Variants in AKAP12 observed in about 807,000 individuals in gnomAD.
The protein encoded by AKAP12 is A-kinase anchoring protein 12, also known as A-kinase anchor protein 12.
A neutral mutation model predicts 79.9 loss-of-function variants in AKAP12; 32 were observed. The ratio of observed to expected loss-of-function variants is 0.40; its 90% confidence interval spans 0.30 to 0.54. AKAP12 has a LOEUF of 0.54. Among genes scored for constraint, AKAP12 ranks in the 20% least tolerant of loss-of-function variants. The pLI is 0.48. For missense variants in AKAP12, 2,074 were observed against 2,177.0 expected (o/e 0.95, Z 0.94); for synonymous variants, 808 against 857.0 (o/e 0.94, Z 1.00).
chr6:151,338,338 TTC>T (rs1419269327), intron 3 of AKAP12, among the ~76,000 whole-genome samples: 1 of 152,214 alleles, frequency 6.6e-6, no homozygotes, highest in African/African-American at 2.4e-5. Flanking sequence ...TCTGGAAGAC[TTC>T]TATAGCTTTT....
intron 2 of AKAP12, among the ~76,000 whole-genome samples, chr6:151,299,719 A>C (rs1776814831): frequency 6.6e-6 from 1 of 151,408 alleles, no homozygotes; most frequent in South Asian, 2.1e-4. Flanking sequence ...AACATTTCAT[A>C]ATTTAACTAC....
chr6:151,246,139 C>G (rs1797071496), intron 2 of AKAP12, among the ~76,000 whole-genome samples: 1 of 152,212 alleles, frequency 6.6e-6, no homozygotes, highest in Non-Finnish European at 1.5e-5. Flanking sequence ...TTTAACCCGG[C>G]AAGGTGCGGT....
chr6:151,355,375 T>A (rs561650709), intron 4 of AKAP12, among the ~76,000 whole-genome samples: 1 of 151,890 alleles, frequency 6.6e-6, no homozygotes, highest in South Asian at 2.1e-4. Flanking sequence ...CAATCTCAGC[T>A]TACTGCAACC....
intron 2 of AKAP12, among the ~76,000 whole-genome samples, chr6:151,299,756 GTTTTT>G (rs71014572): frequency 7.1e-6 from 1 of 141,796 alleles, no homozygotes; most frequent in Non-Finnish European, 1.5e-5. Flanking sequence ...ACATTTAAGG[GTTTTT>G]TTTTTTTTTG....
At position 151,259,470 on chromosome 6, in the gene AKAP12, G is replaced by C. The variant is rs1317700403; in HGVS notation, c.162+18746G>C. On this transcript the variant is annotated intron_variant, in intron 2 of 4. Coordinates refer to ENST00000402676, the MANE Select transcript of AKAP12 (RefSeq NM_005100.4). ...TATATATATACACACATATATACATGTATATATATATATACACACACATAT... is the reference window on the plus strand; with the variant it reads ...TATATATATACACACATATATACATCTATATATATATATACACACACATAT... 2.0e-3 allele frequency among the ~76,000 whole-genome samples: 184 copies of C among 93,272 alleles called. 2 individuals are homozygous for C. Among genetic ancestry groups the C allele is most frequent in the African/African-American group, 5.9e-3 (145 of 24,760 alleles). 61.2% of individuals were successfully genotyped at this position (93,272 alleles called of 152,430 possible).
chr6:151,351,251 C>T lies in AKAP12; in HGVS notation c.2860C>T (p.Leu954=), dbSNP rs779440470. ...EEEPPTVTEP[L]PENREARGDT... is the part of the protein sequence containing the mutation. ...AGAACCCCCCACGGTTACTGAACCT[C>T]TGCCAGAGAACAGAGAGGCCCGGGG... The change falls in exon 4 of 5, where the codon CTG becomes TTG. Residue 954 remains leucine, a synonymous_variant. Transcript: ENST00000402676. This position sits in a 1 kb window ranked among gnomAD's most constrained non-coding sequence, Gnocchi z 4.4. 6.2e-7 allele frequency: 1 copy of T among 1,614,222 alleles called. No individual in the cohort carries two copies. The highest frequency in any genetic ancestry group is 1.7e-5 in the Admixed American group (1 of 60,034).
At chr6:151,334,707 C>T (rs1454099406) in intron 3 of AKAP12, among the ~76,000 whole-genome samples, 1 of 151,532 alleles carries the variant, frequency 6.6e-6, no homozygotes, top group Middle Eastern at 3.2e-3. Context: ...CGGCAAGCTC[C>T]GCCTCCCGGG....
At chr6:151,315,643 T>G (rs769540352) in intron 3 of AKAP12, among the ~76,000 whole-genome samples, 1 of 152,228 alleles carries the variant, frequency 6.6e-6, no homozygotes, top group Non-Finnish European at 1.5e-5. Flanking sequence ...TAGTAACTTT[T>G]ACATGATTAA....
chr6:151,329,405 A>G (rs1303385680), intron 3 of AKAP12, among the ~76,000 whole-genome samples: 1 of 152,182 alleles, frequency 6.6e-6, no homozygotes, highest in Non-Finnish European at 1.5e-5. Context: ...CGCCCGGCCA[A>G]AAAAATGCTT....
intron 2 of AKAP12, among the ~76,000 whole-genome samples, chr6:151,249,434 C>T (rs1797134440): frequency 6.6e-6 from 1 of 152,206 alleles, no homozygotes; most frequent in Non-Finnish European, 1.5e-5. Flanking sequence ...CTTGCCTTGG[C>T]CTCCCAAAGT....
chr6:151,271,078 G>C (rs1776170624), intron 2 of AKAP12, among the ~76,000 whole-genome samples: 2 of 152,114 alleles, frequency 1.3e-5, no homozygotes, highest in East Asian at 1.9e-4. Context: ...GAGGTTTGCT[G>C]GTGGTTGGTT....
chr6:151,277,970 G>A (rs894090774), intron 2 of AKAP12, among the ~76,000 whole-genome samples: 2 of 84,148 alleles, frequency 2.4e-5, no homozygotes, highest in Non-Finnish European at 5.3e-5. Context: ...GTGTGTGTGT[G>A]TGTCTGTCTG....
Position 151,268,731 on chromosome 6 carries a change from C to G in AKAP12, c.162+28007C>G, listed in dbSNP as rs376614452. Among the ~76,000 whole-genome samples, 177 of 152,232 alleles carry G rather than the reference C, an allele frequency of 1.2e-3. 1 individual carries two copies. Among genetic ancestry groups the G allele is most frequent in the African/African-American group, 3.9e-3 (163 of 41,544 alleles). On this transcript the variant is annotated intron_variant, in intron 2 of 4. Transcript: ENST00000402676. ...GATCTCAGTTCACTGCAACCTCTGC[C>G]TCCTGGGTTCAAGTGATTCTCCTGC...
At chr6:151,343,584 A>C (rs1240744196) in intron 3 of AKAP12, among the ~76,000 whole-genome samples, 1 of 152,038 alleles carries the variant, frequency 6.6e-6, no homozygotes, top group Non-Finnish European at 1.5e-5. Context: ...AGGAGTTTGA[A>C]ACCAGCCTGG....
intron 2 of AKAP12, among the ~76,000 whole-genome samples, chr6:151,284,182 A>T (rs1002218700): frequency 6.6e-6 from 1 of 152,186 alleles, no homozygotes; most frequent in East Asian, 1.9e-4. Flanking sequence ...GCTCCATTAC[A>T]TTCTGACTTC....
intron 2 of AKAP12, among the ~76,000 whole-genome samples, chr6:151,274,122 A>T (rs2114715417): frequency 6.9e-6 from 1 of 144,860 alleles, no homozygotes; most frequent in African/African-American, 2.5e-5. Context: ...CCCAGGGTGG[A>T]GGGCAGTGGC....
chr6:151,352,027 G>A lies in AKAP12; in HGVS notation c.3636G>A (p.Glu1212=). The A allele has an allele frequency of 1.2e-6, 2 of 1,614,114 alleles. No homozygotes were observed. Among genetic ancestry groups the A allele is most frequent in the Non-Finnish European group, 8.5e-7 (1 of 1,180,034 alleles). ...CCCAGTCAGGGGGCACAGAAGCAGA[G>A]GCAGTTCCTGCACAGAAAGAGAGGC... The part of the protein sequence containing the change: ...SGTQSGGTEA[E]AVPAQKERPP... The change falls in exon 4 of 5, where the codon GAG becomes GAA. Residue 1212 remains glutamate (E), a synonymous_variant. Coordinates refer to ENST00000402676, the MANE Select transcript of AKAP12 (RefSeq NM_005100.4).
chr6:151,356,441 T>C lies in AKAP12; in HGVS notation c.*727T>C, dbSNP rs1399293587. On this transcript the variant is annotated 3_prime_UTR_variant, in exon 5 of 5. Transcript: ENST00000402676. ...CCCAGTGGAGGTTAGAAAGAAGTTA[T>C]ATTCTGGTAGCAAATTAACTTTACA... 1 of 152,246 alleles carries C rather than the reference T, an allele frequency of 6.6e-6. No homozygotes were observed. The highest frequency in any genetic ancestry group is 2.1e-4 in the South Asian group (1 of 4,832). 9.4% of individuals were successfully genotyped at this position (152,246 alleles called of 1,614,324 possible). A position where few individuals can be genotyped will look rare whatever the true frequency, so the allele number is the denominator to read the frequency against.
chr6:151,272,405 C>T (rs1391310746), intron 2 of AKAP12, among the ~76,000 whole-genome samples: 1 of 150,286 alleles, frequency 6.7e-6, no homozygotes, highest in East Asian at 2.0e-4. Flanking sequence ...TGCATTTGGT[C>T]ATGTTTCTTT....
Sources: allele counts gnomAD v4.1 joint callset (sites outside exome capture counted in the v4.1 genomes callset), GRCh38; gene constraint gnomAD v4.1.1; non-coding constraint Gnocchi (gnomAD v3.1); transcripts MANE v1.5; gene names NCBI Gene and HGNC (gene_info 2026-07-23, HGNC 2026-07-21).